The following GADL1 variants were observed in gnomAD, a reference collection of about 807,000 sequenced individuals.
The protein encoded by GADL1 is acidic amino acid decarboxylase GADL1.
A neutral mutation model predicts 69.5 loss-of-function variants in GADL1; 71 were observed. The ratio of observed to expected loss-of-function variants is 1.02; its 90% CI spans 0.84 to 1.25. The LOEUF is 1.25. Ranked by LOEUF, GADL1 falls within the 50% of genes most tolerant of loss-of-function variation. GADL1 has a pLI of 0.00. For synonymous variants in GADL1, 254 were observed against 214.4 expected (o/e 1.18, Z -1.62); for missense variants, 737 against 631.8 (o/e 1.17, Z -1.79).
At chr3:30,761,148 A>G (rs1167612578) in intron 14 of GADL1, among the ~76,000 whole-genome samples, 6 of 152,208 alleles carry the variant, frequency 3.9e-5, no homozygotes, top group African/African-American at 1.4e-4. Context: ...TTTATATTGT[A>G]TGCTTTATTT....
At chr3:30,879,175 G>A (rs1186674666) in intron 1 of GADL1, among the ~76,000 whole-genome samples, 1 of 151,868 alleles carries the variant, frequency 6.6e-6, no homozygotes, top group Non-Finnish European at 1.5e-5. Context: ...GCATACTCAT[G>A]GCTTCTTATC....
At chr3:30,763,879 AATG>A (rs1696202338) in intron 14 of GADL1, among the ~76,000 whole-genome samples, 1 of 152,052 alleles carries the variant, frequency 6.6e-6, no homozygotes. Context: ...ATCACCTTAA[AATG>A]ATATAATTTG....
chr3:30,889,882 A>G (rs1252773535), intron 1 of GADL1, among the ~76,000 whole-genome samples: 3 of 152,220 alleles, frequency 2.0e-5, no homozygotes, highest in South Asian at 2.1e-4. Flanking sequence ...AAATTCCTAC[A>G]TAAGAATCAG....
At position 30,746,805 on chromosome 3, in the gene GADL1, T is replaced by C. The variant is rs6550014; in HGVS notation, c.1393-18390A>G. 7.6e-4 allele frequency among the ~76,000 whole-genome samples: 116 copies of C among 152,056 alleles called. 3 individuals are homozygous for C. The South Asian group carries it at 0.022, about 29-fold the overall frequency. ...AAATTTCCATTAAAATAATTGAAAA[T>C]AGTGAACCAGATCTATCATATCTAC... On this transcript the variant is annotated intron_variant, in intron 14 of 14. Transcript: ENST00000282538.
intron 3 of GADL1, among the ~76,000 whole-genome samples, chr3:30,855,167 A>G (rs932923276): frequency 6.6e-6 from 1 of 152,086 alleles, no homozygotes; most frequent in African/African-American, 2.4e-5. Flanking sequence ...AAAAAAATCC[A>G]AAACAGGATC....
chr3:30,876,803 C>T (rs937976010), intron 1 of GADL1, among the ~76,000 whole-genome samples: 10 of 151,926 alleles, frequency 6.6e-5, no homozygotes, highest in African/African-American at 2.4e-4. Flanking sequence ...TCTTGTTCTT[C>T]ACATGTGGTA....
intron 3 of GADL1, among the ~76,000 whole-genome samples, chr3:30,856,121 C>T (rs1476416725): frequency 6.6e-6 from 1 of 151,986 alleles, no homozygotes. Context: ...TTTTGAAATG[C>T]TAACTGAGTT....
At chr3:30,795,605 T>C (rs574477748) in intron 12 of GADL1, among the ~76,000 whole-genome samples, 2 of 152,272 alleles carry the variant, frequency 1.3e-5, no homozygotes, top group South Asian at 4.1e-4. Context: ...AGAAAAATAT[T>C]CTATCTTTCC....
intron 11 of GADL1, among the ~76,000 whole-genome samples, chr3:30,805,348 C>T (rs1028347089): frequency 6.6e-5 from 10 of 152,078 alleles, no homozygotes; most frequent in Non-Finnish European, 1.3e-4. Context: ...CACTTAAATA[C>T]GTGTGAAAGA....
chr3:30,785,282 C>CCCCA (rs1696763618), intron 13 of GADL1, among the ~76,000 whole-genome samples: 3 of 152,080 alleles, frequency 2.0e-5, no homozygotes, highest in African/African-American at 7.2e-5. Context: ...ATTGGGGGAC[C>CCCCA]TTTTCTGTTT....
At chr3:30,744,172 T>C (rs933157121) in intron 14 of GADL1, among the ~76,000 whole-genome samples, 10 of 152,084 alleles carry the variant, frequency 6.6e-5, no homozygotes, top group Admixed American at 2.0e-4. Context: ...TCTAGGTGAG[T>C]TCTACTTTAG....
At chr3:30,754,475 G>T (rs537050263) in intron 14 of GADL1, among the ~76,000 whole-genome samples, 1 of 143,972 alleles carries the variant, frequency 6.9e-6, no homozygotes, top group South Asian at 2.3e-4. Context: ...GCCAATGACG[G>T]ACTCTCGAAT....
At chr3:30,804,032 TATTA>T (rs960470808) in intron 11 of GADL1, among the ~76,000 whole-genome samples, 59 of 152,322 alleles carry the variant, frequency 3.9e-4, no homozygotes, top group African/African-American at 1.3e-3. Context: ...TTTATATTGA[TATTA>T]ATTCAACTCT....
At chr3:30,786,446 G>GT (rs777944940) in intron 12 of GADL1, 40 bp from the exon 13 acceptor site, 30 of 1,042,904 alleles carry the variant, frequency 2.9e-5, no homozygotes, top group Non-Finnish European at 4.4e-5. Context: ...AATCTGCAAT[G>GT]TAAAAGTGTC....
rs759333800 is a variant in GADL1 at position 30,726,720 on chromosome 3, C to T, written c.*1522G>A. 1 of 152,126 alleles carries T rather than the reference C, an allele frequency of 6.6e-6. No homozygotes were observed. The highest frequency in any genetic ancestry group is 1.5e-5 in the Non-Finnish European group (1 of 68,016). The allele number at this position is 152,126 out of a possible 1,614,324, so 9.4% of individuals were successfully genotyped here. On this transcript the variant is annotated 3_prime_UTR_variant, in exon 15 of 15. Coordinates refer to ENST00000282538, the MANE Select transcript of GADL1 (RefSeq NM_207359.3). ...TGCTTTAACACTCTTCAATCATTCACCTTTTAATGCAGACCTTTAATTATA... is the reference window on the plus strand; with the variant it reads ...TGCTTTAACACTCTTCAATCATTCATCTTTTAATGCAGACCTTTAATTATA...
At chr3:30,894,267 C>G (rs900581430) in intron 1 of GADL1, among the ~76,000 whole-genome samples, 3 of 152,210 alleles carry the variant, frequency 2.0e-5, no homozygotes, top group Non-Finnish European at 4.4e-5. Flanking sequence ...CAGGTACTTC[C>G]AATCTAACTA....
chr3:30,784,609 T>C (rs1696748902), intron 13 of GADL1, among the ~76,000 whole-genome samples: 1 of 152,218 alleles, frequency 6.6e-6, no homozygotes, highest in African/African-American at 2.4e-5. Context: ...TTCCCAAACT[T>C]CCCTGAGGAC....
intron 11 of GADL1, among the ~76,000 whole-genome samples, chr3:30,811,568 A>G (rs191365003): frequency 6.6e-6 from 1 of 152,338 alleles, no homozygotes; most frequent in East Asian, 1.9e-4. Context: ...AATTATTTTT[A>G]AATAGTGACA....
At chr3:30,834,342 G>A in intron 9 of GADL1, 61 bp from the exon 10 acceptor site, 1 of 1,423,074 alleles carries the variant, frequency 7.0e-7, no homozygotes, top group Non-Finnish European at 9.9e-7. Context: ...TTACCAGTGG[G>A]TTGTCATAGA....
Sources: gnomAD v4.1 joint callset for allele counts (sites outside exome capture counted in the v4.1 genomes callset) on GRCh38, gnomAD v4.1.1 for gene constraint, MANE v1.5 for transcripts, NCBI Gene and HGNC (gene_info 2026-07-23, HGNC 2026-07-21) for gene names.